Variants in DESI1 observed in about 807,000 individuals in gnomAD.
The protein encoded by DESI1 is desumoylating isopeptidase 1.
Under a neutral mutation model 22.4 loss-of-function variants are expected in DESI1, and 17 were observed. The observed-to-expected ratio is 0.76, with a 90% CI of 0.52 to 1.14. DESI1 has a LOEUF of 1.14. DESI1 is among the 50% of genes most tolerant of loss of function. DESI1 has a pLI of 0.00. For synonymous variants in DESI1, 92 were observed against 84.2 expected (o/e 1.09, Z -0.51); for missense variants, 177 against 208.9 (o/e 0.85, Z 0.94).
intron 1 of DESI1, among the ~76,000 whole-genome samples, chr22:41,610,941 A>C (rs1012470258): frequency 4.6e-5 from 7 of 151,986 alleles, no homozygotes; most frequent in Admixed American, 3.3e-4. Flanking sequence ...ATAGCACCCT[A>C]AAGAATGTGA....
intron 1 of DESI1, among the ~76,000 whole-genome samples, chr22:41,613,406 A>G (rs763812468): frequency 7.9e-5 from 12 of 152,228 alleles, no homozygotes; most frequent in Non-Finnish European, 1.6e-4. Context: ...AGGGTTTATA[A>G]TTTGAAAGTT....
chr22:41,620,341 G>A (rs921164422), intron 1 of DESI1, among the ~76,000 whole-genome samples: 8 of 152,168 alleles, frequency 5.3e-5, no homozygotes, highest in African/African-American at 1.9e-4. Context: ...ACCACGAGGG[G>A]CACCGCGCGG....
intron 1 of DESI1, among the ~76,000 whole-genome samples, chr22:41,614,537 GC>G (rs1416632012): frequency 1.3e-5 from 2 of 150,612 alleles, no homozygotes; most frequent in African/African-American, 4.9e-5. Flanking sequence ...TTCTGCCTCA[GC>G]CTCCCAAGTA....
chr22:41,603,197 G>A, intron 5 of DESI1, 62 bp downstream of exon 5: 1 of 1,611,022 alleles, frequency 6.2e-7, no homozygotes, highest in South Asian at 1.1e-5. Flanking sequence ...GAAGGGCACT[G>A]ACCGTGAATG....
intron 4 of DESI1, 30 bp downstream of exon 4, chr22:41,604,014 C>A: frequency 6.3e-7 from 1 of 1,593,064 alleles, no homozygotes; most frequent in South Asian, 1.1e-5. Context: ...GAGACAGACA[C>A]AACTAACCAC....
Position 41,620,820 on chromosome 22 carries a change from TAG to T in DESI1, c.18_19del (p.Tyr7SerfsTer40). ...GTCGTACACGTAGAGCTTCACCGGATAGAGATTCGGCGGCTCCATTGGGACCC... is the reference window on the plus strand; with the variant it reads ...GTCGTACACGTAGAGCTTCACCGGATAGATTCGGCGGCTCCATTGGGACCC... On this transcript the variant is annotated frameshift_variant, in exon 1 of 6. Coordinates refer to ENST00000263256, the MANE Select transcript of DESI1 (RefSeq NM_015704.3). LOFTEE classifies it high-confidence loss of function. 6.2e-7 allele frequency: 1 copy of T among 1,611,612 alleles called. No homozygotes were observed. The highest frequency in any genetic ancestry group is 8.5e-7 in the Non-Finnish European group (1 of 1,178,886).
At chr22:41,618,980 C>T (rs1216683918) in intron 1 of DESI1, among the ~76,000 whole-genome samples, 1 of 151,852 alleles carries the variant, frequency 6.6e-6, no homozygotes, top group Non-Finnish European at 1.5e-5. Context: ...AGGAGAATGG[C>T]GTGAACCCGG....
chr22:41,608,843 G>A (rs1020525227), intron 1 of DESI1, among the ~76,000 whole-genome samples: 5 of 152,182 alleles, frequency 3.3e-5, no homozygotes, highest in African/African-American at 1.2e-4. Context: ...ATTGAAAGAC[G>A]TGGAGTGTCA....
chr22:41,610,415 A>G (rs181041479), intron 1 of DESI1, among the ~76,000 whole-genome samples: 1 of 152,258 alleles, frequency 6.6e-6, no homozygotes, highest in Non-Finnish European at 1.5e-5. Flanking sequence ...AGTATTGGTA[A>G]GTAAAATCTA....
intron 1 of DESI1, among the ~76,000 whole-genome samples, chr22:41,615,496 T>G (rs1357959648): frequency 6.6e-6 from 1 of 152,012 alleles, no homozygotes; most frequent in Non-Finnish European, 1.5e-5. Context: ...CCATTTTGCC[T>G]TAAAGAAATT....
At chr22:41,618,866 C>T (rs1292522120) in intron 1 of DESI1, among the ~76,000 whole-genome samples, 1 of 152,134 alleles carries the variant, frequency 6.6e-6, no homozygotes, top group Non-Finnish European at 1.5e-5. Context: ...AGATCGAGAC[C>T]ATCCTGGCTA....
At chr22:41,604,554 A>G (rs1187192577) in intron 3 of DESI1, among the ~76,000 whole-genome samples, 1 of 152,004 alleles carries the variant, frequency 6.6e-6, no homozygotes, top group Non-Finnish European at 1.5e-5. Flanking sequence ...GCCTGACTTC[A>G]TATTTAACTT....
At chr22:41,613,777 T>C (rs543780195) in intron 1 of DESI1, among the ~76,000 whole-genome samples, 2 of 152,358 alleles carry the variant, frequency 1.3e-5, no homozygotes, top group African/African-American at 4.8e-5. Context: ...CAGGTATGGA[T>C]GTATCATCAG....
At chr22:41,608,560 G>A (rs2067496062) in intron 1 of DESI1, among the ~76,000 whole-genome samples, 1 of 152,182 alleles carries the variant, frequency 6.6e-6, no homozygotes, top group African/African-American at 2.4e-5. Flanking sequence ...GCACATGCAT[G>A]GCTGTGAAGT....
intron 1 of DESI1, among the ~76,000 whole-genome samples, chr22:41,616,269 A>G (rs1369244590): frequency 2.6e-5 from 4 of 152,204 alleles, no homozygotes; most frequent in African/African-American, 9.6e-5. Context: ...CCTGGAGGAC[A>G]GAGTTCACGT....
intron 5 of DESI1, chr22:41,602,758 G>A (rs1325655593): frequency 1.0e-6 from 1 of 999,170 alleles, no homozygotes; most frequent in Non-Finnish European, 1.2e-6. Context: ...GAGTGTTCTT[G>A]AAGAAAACAT....
At chr22:41,604,246 CTGACT>C in intron 3 of DESI1, 93 bp from the exon 4 acceptor site, 2 of 471,544 alleles carry the variant, frequency 4.2e-6, no homozygotes, top group Non-Finnish European at 3.5e-6. Flanking sequence ...ACACTCTGTT[CTGACT>C]TTTTTTTTTT....
rs2067445695 is a variant in DESI1, at chr22:41,600,864, G to A, written c.*233C>T. On this transcript the variant is annotated 3_prime_UTR_variant, in exon 6 of 6. Transcript: ENST00000263256. ...AAACAGCATCCGAAGTGAACGCACA[G>A]ACAAGACAGCCTTAATAAATTAGTA... 2 of 487,950 alleles carry A rather than the reference G, an allele frequency of 4.1e-6. No homozygotes were observed. The highest frequency in any genetic ancestry group is 3.5e-5 in the Admixed American group (1 of 28,280). 30.2% of individuals were successfully genotyped at this position (487,950 alleles called of 1,614,324 possible). A position where few individuals can be genotyped will look rare whatever the true frequency, so the allele number is the denominator to read the frequency against.
rs1446620475 is a variant in DESI1 at position 41,598,178 on chromosome 22, C to T, written c.*2919G>A. The T allele has an allele frequency of 6.6e-6, 1 of 152,220 alleles. No individual in the cohort carries two copies. The highest frequency in any genetic ancestry group is 1.5e-5 in the Non-Finnish European group (1 of 68,064). 9.4% of individuals were successfully genotyped at this position (152,220 alleles called of 1,614,324 possible). ...TTCTGGGAGGGGGTGATGGTCTCAT[C>T]CCTCCTCCTTCCCTATCCCTTTAAA... On this transcript the variant is annotated 3_prime_UTR_variant, in exon 6 of 6. Coordinates refer to ENST00000263256, the MANE Select transcript of DESI1 (RefSeq NM_015704.3).
Sources: gnomAD v4.1 joint callset for allele counts (sites outside exome capture counted in the v4.1 genomes callset) on GRCh38, gnomAD v4.1.1 for gene constraint, MANE v1.5 for transcripts, NCBI Gene and HGNC (gene_info 2026-07-23, HGNC 2026-07-21) for gene names.